The following DDX27 variants were observed in gnomAD, a reference collection of about 807,000 sequenced individuals.
The protein encoded by DDX27 is probable ATP-dependent RNA helicase DDX27.
In DDX27, 42 loss-of-function variants were observed where a neutral mutation model predicts 99.3. The observed-to-expected ratio is 0.42, with a 90% CI of 0.33 to 0.55. The LOEUF is 0.55. Among genes scored for constraint, DDX27 ranks in the 20% least tolerant of loss-of-function variants. DDX27 has a pLI of 0.07. For missense variants in DDX27, 798 were observed against 976.8 expected, an observed-to-expected ratio of 0.82 and a Z score of 2.44; for synonymous variants, 329 against 353.8, an observed-to-expected ratio of 0.93 and a Z score of 0.79.
intron 9 of DDX27, among the ~76,000 whole-genome samples, chr20:49,232,239 G>C (rs1980137866): frequency 6.6e-6 from 1 of 152,116 alleles, no homozygotes; most frequent in African/African-American, 2.4e-5. Context: ...TGCTGCCCAG[G>C]CTGAGGGGGC....
Position 49,230,367 on chromosome 20 carries a change from G to A in DDX27, c.1031+18G>A, listed in dbSNP as rs1019447530. The A allele has an allele frequency of 3.1e-6, 5 of 1,598,176 alleles. No individual in the cohort carries two copies. Among genetic ancestry groups the A allele is most frequent in the African/African-American group, 1.3e-5 (1 of 74,792 alleles). On this transcript the variant is annotated intron_variant, in intron 9 of 20. Coordinates refer to ENST00000618172, the MANE Select transcript of DDX27 (RefSeq NM_017895.8). ...GCTGACAGGTGCTCCTCACAGCCTG[G>A]GGCCCAGGGCACTGTGGGGTTCCAA...
intron 16 of DDX27, 173 bp from the exon 17 acceptor site, chr20:49,241,720 C>A: frequency 1.5e-6 from 1 of 681,750 alleles, no homozygotes; most frequent in Non-Finnish European, 2.5e-6. Flanking sequence ...CCACCCACCT[C>A]AGCCTCCCAA....
In DDX27 at chr20:49,228,844, G is replaced by A; in HGVS notation, c.836G>A (p.Arg279Lys). The change falls in exon 8 of 21, where the codon AGA (arginine) becomes AAA (lysine). Residue 279 changes from arginine (R) to lysine (K), a missense_variant. Transcript: ENST00000618172. ...ELGIQVHSVT[R>K]QLAQFCNITT... ...GGCATCCAGGTGCACTCTGTCACCA[G>A]ACAGCTGGCCCAGTTCTGCAACATC... 4 of 1,610,918 alleles carry A rather than the reference G, an allele frequency of 2.5e-6. No homozygotes were observed. The highest frequency in any genetic ancestry group is 2.5e-6 in the Non-Finnish European group (3 of 1,177,990).
At chr20:49,220,456 C>T (rs1979611390) in intron 1 of DDX27, among the ~76,000 whole-genome samples, 1 of 152,242 alleles carries the variant, frequency 6.6e-6, no homozygotes, top group South Asian at 2.1e-4. Flanking sequence ...CGCTTAGCAG[C>T]AGAGGGATCT....
Position 49,225,127 on chromosome 20 carries a change from T to A in DDX27, c.528T>A (p.Phe176Leu). ...TTCTGGTGTAGGAAGCAGGAGGATT[T>A]TTTGAAGATGCATCTCAGTACGATG... ...KKKKGQEAGG[F>L]FEDASQYDEN... The change falls in exon 6 of 21, where the codon TTT (phenylalanine) becomes TTA (leucine). Residue 176 changes from phenylalanine to leucine, a missense_variant. Physicochemically the swap from Phe to Leu is conservative, Grantham distance 22. Coordinates refer to ENST00000618172, the MANE Select transcript of DDX27 (RefSeq NM_017895.8). 6.2e-7 allele frequency: 1 copy of A among 1,614,124 alleles called. No individual in the cohort carries two copies. Among genetic ancestry groups the A allele is most frequent in the East Asian group, 2.2e-5 (1 of 44,886 alleles).
chr20:49,224,282 C>T (rs1045466346), intron 4 of DDX27, among the ~76,000 whole-genome samples: 1 of 152,146 alleles, frequency 6.6e-6, no homozygotes, highest in Non-Finnish European at 1.5e-5. Flanking sequence ...CTGCCAGATG[C>T]CACTGTGATA....
intron 6 of DDX27, 64 bp downstream of exon 6, chr20:49,225,263 G>A (rs1168852469): frequency 1.5e-6 from 2 of 1,337,138 alleles, no homozygotes; most frequent in African/African-American, 2.9e-5. Flanking sequence ...GTCCAAGATG[G>A]TCTCAAATTC....
intron 3 of DDX27, 110 bp downstream of exon 3, chr20:49,223,126 C>A: frequency 7.4e-7 from 1 of 1,347,310 alleles, no homozygotes; most frequent in Non-Finnish European, 1.0e-6. Context: ...CTGGGGCAGG[C>A]GCACTCTTCT....
At chr20:49,238,900 T>C in intron 14 of DDX27, 49 bp from the exon 15 acceptor site, 1 of 1,395,994 alleles carries the variant, frequency 7.2e-7, no homozygotes, top group Non-Finnish European at 1.0e-6. Context: ...TGAGCCACCA[T>C]GCCTGGCCTA....
chr20:49,224,707 A>G (rs1193748609), intron 4 of DDX27: 3 of 556,554 alleles, frequency 5.4e-6, no homozygotes, highest in Non-Finnish European at 9.6e-6. Flanking sequence ...GCATCATAAT[A>G]CAGTGTAGTG....
At chr20:49,219,616 G>C in intron 1 of DDX27, 75 bp downstream of exon 1, 2 of 1,444,308 alleles carry the variant, frequency 1.4e-6, no homozygotes, top group Non-Finnish European at 1.9e-6. Flanking sequence ...CCCTGTCCCC[G>C]AATCCTCATC....
At chr20:49,220,940 C>T (rs2146703393) in intron 1 of DDX27, among the ~76,000 whole-genome samples, 1 of 152,350 alleles carries the variant, frequency 6.6e-6, no homozygotes, top group Non-Finnish European at 1.5e-5. Context: ...CTCTCCTCTT[C>T]ATGACCAACA....
chr20:49,221,728 A>T, intron 2 of DDX27, 130 bp downstream of exon 2: 1 of 704,082 alleles, frequency 1.4e-6, no homozygotes. Context: ...CTTTGAAAAT[A>T]ACTGGTTAAA....
chr20:49,230,120 C>A, intron 8 of DDX27, 79 bp from the exon 9 acceptor site: 1 of 1,494,732 alleles, frequency 6.7e-7, no homozygotes, highest in East Asian at 2.3e-5. Flanking sequence ...TGGCCTGAGG[C>A]CTGGTGAGTG....
chr20:49,233,955 G>C (rs1205365153), intron 11 of DDX27: 1 of 482,720 alleles, frequency 2.1e-6, no homozygotes, highest in East Asian at 3.3e-5. Flanking sequence ...ATCAGCTGCT[G>C]TTGTACCCGT....
chr20:49,235,180 C>G, intron 12 of DDX27, 92 bp downstream of exon 12: 1 of 1,402,276 alleles, frequency 7.1e-7, no homozygotes, highest in Non-Finnish European at 9.5e-7. Flanking sequence ...TCTATTAGAA[C>G]ATTAGCAGGG....
rs1980388744 is a variant in DDX27 at position 49,238,931 on chromosome 20, T to C, written c.1688-18T>C. 1.3e-6 allele frequency: 2 copies of C among 1,594,292 alleles called. No individual in the cohort carries two copies. Among genetic ancestry groups the C allele is most frequent in the East Asian group, 2.2e-5 (1 of 44,738 alleles). On this transcript the variant is annotated intron_variant, in intron 14 of 20. Transcript: ENST00000618172. Reference sequence around the variant, plus strand: ...GCCTACCCTTATTTGTAAATCCTTTTTATTTTCTCCCATTGAGATGTCATC... The same window carrying C: ...GCCTACCCTTATTTGTAAATCCTTTCTATTTTCTCCCATTGAGATGTCATC...
At chr20:49,228,976 A>C (rs1600968611) in intron 8 of DDX27, 88 bp downstream of exon 8, 6 of 1,296,944 alleles carry the variant, frequency 4.6e-6, no homozygotes, top group South Asian at 1.6e-5. Flanking sequence ...GGTGTTGGTG[A>C]CAGGTGCCAG....
At chr20:49,237,564 G>C (rs1321326142) in intron 14 of DDX27, among the ~76,000 whole-genome samples, 1 of 152,110 alleles carries the variant, frequency 6.6e-6, no homozygotes, top group Non-Finnish European at 1.5e-5. Flanking sequence ...TCTAGGTGCT[G>C]GGGATACAGC....
Sources: gnomAD v4.1 joint callset for allele counts (sites outside exome capture counted in the v4.1 genomes callset) on GRCh38, gnomAD v4.1.1 for gene constraint, MANE v1.5 for transcripts, NCBI Gene and HGNC (gene_info 2026-07-23, HGNC 2026-07-21) for gene names.